Variants in NBEA observed in about 807,000 individuals in gnomAD.
NBEA encodes the protein neurobeachin.
Under a neutral mutation model 343.4 loss-of-function variants are expected in NBEA, and 44 were observed. The ratio of observed to expected loss-of-function variants is 0.13; its 90% CI spans 0.10 to 0.16. The LOEUF (loss-of-function observed/expected upper bound fraction) is 0.16, where lower values mean the gene tolerates loss of function less well. Among genes scored for constraint, NBEA ranks in the 10% least tolerant of loss-of-function variants. The probability of loss-of-function intolerance (pLI) is 1.00; values close to 1 mark genes in which losing one functional copy is unlikely to be tolerated. For synonymous variants in NBEA, 1,175 were observed against 1,238.7 expected (o/e 0.95, Z 1.08); for missense variants, 2,555 against 3,631.3 (o/e 0.70, Z 7.62).
intron 41 of NBEA, among the ~76,000 whole-genome samples, chr13:35,535,304 T>G (rs1419067081): frequency 6.6e-6 from 1 of 152,106 alleles, no homozygotes; most frequent in Non-Finnish European, 1.5e-5. Context: ...AAGGTGTTTT[T>G]TGTTTAGTTT....
intron 41 of NBEA, chr13:35,476,501 A>T: frequency 1.5e-6 from 1 of 678,218 alleles, no homozygotes. Context: ...AAAAAACAAA[A>T]GTTGCGCTGA....
chr13:35,609,720 C>T (rs1290818383), intron 48 of NBEA, among the ~76,000 whole-genome samples: 1 of 152,142 alleles, frequency 6.6e-6, no homozygotes, highest in East Asian at 1.9e-4. Flanking sequence ...TGCAGCAGCT[C>T]CCTTATCTTG....
chr13:35,471,027 G>C (rs2075620233), intron 40 of NBEA, among the ~76,000 whole-genome samples: 1 of 152,130 alleles, frequency 6.6e-6, no homozygotes, highest in South Asian at 2.1e-4. Context: ...GGGCTCATCG[G>C]GGGATCGAGA....
chr13:35,191,866 A>G (rs1378243718), intron 30 of NBEA, among the ~76,000 whole-genome samples: 1 of 152,112 alleles, frequency 6.6e-6, no homozygotes, highest in Non-Finnish European at 1.5e-5. Context: ...TTCATAAATC[A>G]TGGTAAAACA....
chr13:35,621,769 T>G (rs2083003061), intron 48 of NBEA, among the ~76,000 whole-genome samples: 1 of 152,212 alleles, frequency 6.6e-6, no homozygotes, highest in African/African-American at 2.4e-5. Flanking sequence ...CTTTAATTAA[T>G]AAACCTATAA....
intron 18 of NBEA, among the ~76,000 whole-genome samples, chr13:35,146,281 G>A (rs1017890289): frequency 1.1e-4 from 17 of 152,138 alleles, no homozygotes; most frequent in South Asian, 2.1e-4. Context: ...AAGGTAAAGC[G>A]TTTTGATTTT....
intron 38 of NBEA, among the ~76,000 whole-genome samples, chr13:35,428,115 G>A (rs183084519): frequency 1.9e-4 from 29 of 152,212 alleles, no homozygotes; most frequent in African/African-American, 4.6e-4. Context: ...GCTTTGGCTC[G>A]CACACGATCC....
chr13:35,601,975 A>G (rs973664132), intron 47 of NBEA, among the ~76,000 whole-genome samples: 1 of 152,108 alleles, frequency 6.6e-6, no homozygotes, highest in Admixed American at 6.6e-5. Flanking sequence ...AATAATGAGA[A>G]CACCTACTTC....
chr13:35,222,580 T>G (rs978379751), intron 33 of NBEA, among the ~76,000 whole-genome samples: 1 of 152,120 alleles, frequency 6.6e-6, no homozygotes, highest in African/African-American at 2.4e-5. Context: ...TATTTCATTT[T>G]CTCTCCAATA....
intron 45 of NBEA, among the ~76,000 whole-genome samples, chr13:35,578,087 G>A (rs1210319007): frequency 2.6e-5 from 4 of 152,194 alleles, no homozygotes; most frequent in Non-Finnish European, 5.9e-5. Flanking sequence ...AGATATGTTA[G>A]CAGTTCAATG....
chr13:35,037,223 C>T (rs2062476771), intron 1 of NBEA, among the ~76,000 whole-genome samples: 1 of 152,152 alleles, frequency 6.6e-6, no homozygotes, highest in Non-Finnish European at 1.5e-5. Flanking sequence ...TTTTGAACTG[C>T]AGAATTTCTG....
At chr13:35,108,558 T>TTTTTAAAATATTTAAAATA (rs2066032565) in intron 11 of NBEA, among the ~76,000 whole-genome samples, 1 of 152,080 alleles carries the variant, frequency 6.6e-6, no homozygotes. Context: ...GAAAATATGA[T>TTTTTAAAATATTTAAAATA]TTTTAAAAAT....
intron 1 of NBEA, among the ~76,000 whole-genome samples, chr13:34,963,418 C>T (rs2059720581): frequency 6.6e-6 from 1 of 151,964 alleles, no homozygotes; most frequent in African/African-American, 2.4e-5. Context: ...AAGGTTCTAT[C>T]TCCAAATGCA....
intron 40 of NBEA, among the ~76,000 whole-genome samples, chr13:35,454,195 G>A (rs1385001539): frequency 6.6e-6 from 1 of 152,084 alleles, no homozygotes; most frequent in Non-Finnish European, 1.5e-5. Flanking sequence ...GTAAGGGATG[G>A]GTGTTTTATG....
intron 1 of NBEA, among the ~76,000 whole-genome samples, chr13:35,032,229 G>T (rs975148650): frequency 6.6e-6 from 1 of 151,786 alleles, no homozygotes; most frequent in East Asian, 1.9e-4. Flanking sequence ...TCGCCATACT[G>T]CTTTCCACAA....
intron 17 of NBEA, among the ~76,000 whole-genome samples, chr13:35,130,936 T>C (rs549907324): frequency 6.6e-6 from 1 of 152,020 alleles, no homozygotes; most frequent in Non-Finnish European, 1.5e-5. Flanking sequence ...TAAAAATATT[T>C]AAAATTATGT....
At chr13:34,964,258 T>C (rs927471504) in intron 1 of NBEA, among the ~76,000 whole-genome samples, 2 of 151,976 alleles carry the variant, frequency 1.3e-5, no homozygotes, top group Non-Finnish European at 2.9e-5. Context: ...GCTTTGGATG[T>C]TTAAATATAT....
intron 17 of NBEA, among the ~76,000 whole-genome samples, chr13:35,137,673 T>G (rs796324366): frequency 6.6e-5 from 10 of 152,138 alleles, no homozygotes; most frequent in African/African-American, 1.9e-4. Flanking sequence ...CATAAAAAGA[T>G]ATCTAATGTT....
intron 48 of NBEA, among the ~76,000 whole-genome samples, chr13:35,607,494 A>G (rs1288987868): frequency 2.0e-5 from 3 of 152,318 alleles, no homozygotes; most frequent in Admixed American, 6.5e-5. Context: ...ACTTTACAAA[A>G]CAGCCTCTCT....
Sources: allele counts gnomAD v4.1 joint callset (sites outside exome capture counted in the v4.1 genomes callset), GRCh38; gene constraint gnomAD v4.1.1; transcripts MANE v1.5; gene names NCBI Gene and HGNC (gene_info 2026-07-23, HGNC 2026-07-21).